Variants in GABBR2 observed in about 807,000 individuals in gnomAD.
GABBR2 encodes G-protein coupled receptor 51.
GABBR2 carries 23 observed loss-of-function variants against 105.6 expected under a neutral mutation model. The ratio of observed to expected loss-of-function variants is 0.22; its 90% confidence interval spans 0.16 to 0.31. GABBR2 has a LOEUF of 0.31. GABBR2 is among the 10% of genes least tolerant of loss of function. The pLI is 1.00. For synonymous variants in GABBR2, 478 were observed against 499.7 expected (o/e 0.96, Z 0.58); for missense variants, 734 against 1,245.5 (o/e 0.59, Z 6.18).
At chr9:98,405,649 T>C (rs1832477285) in intron 8 of GABBR2, among the ~76,000 whole-genome samples, 2 of 152,174 alleles carry the variant, frequency 1.3e-5, no homozygotes, top group African/African-American at 2.4e-5. Context: ...TAAAATGGGG[T>C]AGTATTTGCC....
intron 4 of GABBR2, among the ~76,000 whole-genome samples, chr9:98,494,698 A>C (rs780520992): frequency 6.6e-6 from 1 of 151,412 alleles, no homozygotes; most frequent in Non-Finnish European, 1.5e-5. Context: ...TTGAGCAAAT[A>C]AAGGTGAAGG....
intron 3 of GABBR2, among the ~76,000 whole-genome samples, chr9:98,512,082 G>A (rs1408612477): frequency 6.6e-6 from 1 of 151,880 alleles, no homozygotes; most frequent in Non-Finnish European, 1.5e-5. Context: ...CTTCATCCCT[G>A]GGATGCAAGG....
intron 13 of GABBR2, among the ~76,000 whole-genome samples, chr9:98,350,397 A>G (rs973405802): frequency 1.3e-5 from 2 of 151,990 alleles, no homozygotes; most frequent in Non-Finnish European, 2.9e-5. Flanking sequence ...CCCTCTTTGC[A>G]CTGCTTTTGC....
chr9:98,705,601 A>C (rs192762847), intron 1 of GABBR2, among the ~76,000 whole-genome samples: 1 of 152,374 alleles, frequency 6.6e-6, no homozygotes, highest in East Asian at 1.9e-4. Flanking sequence ...GGCAGTGTCC[A>C]CAAAGACAGC....
At chr9:98,467,145 G>A (rs1826575778) in intron 6 of GABBR2, among the ~76,000 whole-genome samples, 1 of 152,206 alleles carries the variant, frequency 6.6e-6, no homozygotes, top group South Asian at 2.1e-4. Context: ...GCTGGGAAGT[G>A]TATAATACAT....
Position 98,560,380 on chromosome 9 carries a change from C to T in GABBR2, c.459+17555G>A, listed in dbSNP as rs527886978. 2.1e-3 allele frequency among the ~76,000 whole-genome samples: 313 copies of T among 151,426 alleles called. 4 individuals carry two copies. The highest frequency in any genetic ancestry group is 6.8e-3 in the African/African-American group (282 of 41,352). On this transcript the variant is annotated intron_variant, in intron 2 of 18. Coordinates refer to ENST00000259455, the MANE Select transcript of GABBR2 (RefSeq NM_005458.8). The stretch of plus-strand genomic sequence containing the variant: ...CTCCACTATCCCACCACCCAGCACA[C>T]GTGCGTGTGCGCATACACACATACA...
At chr9:98,370,681 A>C (rs1418650609) in intron 12 of GABBR2, among the ~76,000 whole-genome samples, 1 of 152,216 alleles carries the variant, frequency 6.6e-6, no homozygotes, top group East Asian at 1.9e-4. Context: ...TATAATAGTT[A>C]CTAACCAGAG....
At chr9:98,482,963 C>G (rs1826958350) in intron 4 of GABBR2, among the ~76,000 whole-genome samples, 1 of 152,072 alleles carries the variant, frequency 6.6e-6, no homozygotes, top group Non-Finnish European at 1.5e-5. Flanking sequence ...CCTGGGCCAC[C>G]TAGTTCATGA....
chr9:98,619,754 T>A (rs998652114), intron 1 of GABBR2, among the ~76,000 whole-genome samples: 2 of 152,214 alleles, frequency 1.3e-5, no homozygotes, highest in African/African-American at 4.8e-5. Flanking sequence ...TAGTGTATGA[T>A]GTTTTTCACT....
intron 9 of GABBR2, among the ~76,000 whole-genome samples, chr9:98,393,114 C>G (rs948197966): frequency 1.4e-4 from 20 of 146,854 alleles, no homozygotes; most frequent in African/African-American, 4.5e-4. Context: ...ATCCACTCAT[C>G]CACTCATCCA....
intron 2 of GABBR2, among the ~76,000 whole-genome samples, chr9:98,569,179 G>C (rs142464181): frequency 6.6e-6 from 1 of 152,216 alleles, no homozygotes; most frequent in African/African-American, 2.4e-5. Context: ...GTGCCTCATC[G>C]TACTGCTACT....
chr9:98,707,690 C>A (rs1368088197), intron 1 of GABBR2, among the ~76,000 whole-genome samples: 2 of 152,238 alleles, frequency 1.3e-5, no homozygotes, highest in South Asian at 4.1e-4. Flanking sequence ...CCAACAGCAG[C>A]GGCGCGGCCG....
intron 1 of GABBR2, among the ~76,000 whole-genome samples, chr9:98,599,769 C>T (rs1483351056): frequency 1.3e-5 from 2 of 152,156 alleles, no homozygotes; most frequent in African/African-American, 4.8e-5. Flanking sequence ...CCGCATGGCA[C>T]CAGGAGGCTT....
intron 1 of GABBR2, among the ~76,000 whole-genome samples, chr9:98,639,714 C>A (rs1287170256): frequency 3.3e-5 from 5 of 152,156 alleles, no homozygotes; most frequent in Non-Finnish European, 5.9e-5. Flanking sequence ...GACCCAGAAG[C>A]CTGTTCCCAG....
chr9:98,398,789 G>A lies in GABBR2; in HGVS notation c.1298-4534C>T, dbSNP rs532141649. 3.0e-4 allele frequency among the ~76,000 whole-genome samples: 46 copies of A among 152,266 alleles called. 1 individual carries two copies. In the South Asian group the frequency reaches 8.9e-3, roughly 29 times the overall value. ...GCAGCATAGAACAGAGACAGACTTT[G>A]TGCTCTACTGTCACAAACAATACGC... On this transcript the variant is annotated intron_variant, in intron 8 of 18. Coordinates refer to ENST00000259455, the MANE Select transcript of GABBR2 (RefSeq NM_005458.8).
At chr9:98,466,883 G>C (rs1046925982) in intron 6 of GABBR2, among the ~76,000 whole-genome samples, 3 of 152,122 alleles carry the variant, frequency 2.0e-5, no homozygotes, top group African/African-American at 7.2e-5. Context: ...GGGTAATAAG[G>C]GATCCAGGGT....
intron 13 of GABBR2, among the ~76,000 whole-genome samples, chr9:98,353,716 T>A (rs746077268): frequency 6.6e-6 from 1 of 152,220 alleles, no homozygotes; most frequent in Non-Finnish European, 1.5e-5. Flanking sequence ...ATGGTTTGGC[T>A]GTGTCTCCAC....
chr9:98,405,946 G>C (rs1832482235), intron 8 of GABBR2, 135 bp downstream of exon 8: 5 of 632,758 alleles, frequency 7.9e-6, no homozygotes, highest in Admixed American at 6.1e-5. Context: ...TTTCAGAAAA[G>C]TGTTTTCAAT....
chr9:98,676,755 AGCC>A (rs1248387133), intron 1 of GABBR2, among the ~76,000 whole-genome samples: 2 of 152,260 alleles, frequency 1.3e-5, no homozygotes, highest in African/African-American at 2.4e-5. Flanking sequence ...TGTCTGGACC[AGCC>A]ATAATGTTGA....
Sources: allele counts gnomAD v4.1 joint callset (sites outside exome capture counted in the v4.1 genomes callset), GRCh38; gene constraint gnomAD v4.1.1; transcripts MANE v1.5; gene names NCBI Gene and HGNC (gene_info 2026-07-23, HGNC 2026-07-21).